ABITRAM: variants seen among roughly 807,000 people sequenced by gnomAD.
ABITRAM encodes the protein actin binding transcription modulator.
Under a neutral mutation model 22.9 loss-of-function variants are expected in ABITRAM, and 19 were observed. The observed-to-expected ratio is 0.83, with a 90% CI of 0.58 to 1.22. The LOEUF is 1.22. ABITRAM is among the 50% of genes most tolerant of loss of function. ABITRAM has a pLI of 0.00. For synonymous variants in ABITRAM, 70 were observed against 73.9 expected (o/e 0.95, Z 0.27); for missense variants, 215 against 220.2 (o/e 0.98, Z 0.15).
intron 3 of ABITRAM, among the ~76,000 whole-genome samples, chr9:108,946,433 C>T (rs1363497890): frequency 2.0e-5 from 3 of 152,148 alleles, no homozygotes; most frequent in Non-Finnish European, 2.9e-5. Context: ...CCCTGCACCT[C>T]GGGGCTTTGC....
chr9:108,947,546 T>C (rs1830443833), intron 3 of ABITRAM, among the ~76,000 whole-genome samples: 1 of 152,176 alleles, frequency 6.6e-6, no homozygotes, highest in Non-Finnish European at 1.5e-5. Flanking sequence ...CAGGCTAACA[T>C]GGGGATCAGG....
chr9:108,935,448 G>A (rs1018828741), intron 1 of ABITRAM, among the ~76,000 whole-genome samples, 190 bp from the exon 2 acceptor site: 2 of 152,142 alleles, frequency 1.3e-5, no homozygotes, highest in African/African-American at 4.8e-5. Context: ...TTCTATCTGG[G>A]CCAGATCTCT....
At position 108,939,746 on chromosome 9, in the gene ABITRAM, G is replaced by A. The variant is rs986914558; in HGVS notation, c.*60G>A. On this transcript the variant is annotated 3_prime_UTR_variant, in exon 6 of 6. Transcript: ENST00000322940. ...TTGTTACCTGGCCTAAACCATCAGG[G>A]TACTAAAGGAGAAGAACCAGTATAT... The A allele has an allele frequency of 6.3e-7, 1 of 1,588,420 alleles. No individual in the cohort carries two copies. Among genetic ancestry groups the A allele is most frequent in the Non-Finnish European group, 8.6e-7 (1 of 1,166,486 alleles).
intron 3 of ABITRAM, among the ~76,000 whole-genome samples, chr9:108,937,194 G>A (rs765302982): frequency 3.3e-5 from 5 of 151,976 alleles, no homozygotes; most frequent in African/African-American, 9.7e-5. Flanking sequence ...ACATGAATAC[G>A]AGAAAATATA....
chr9:108,943,902 C>T (rs1412678042), downstream of ABITRAM: 1 of 1,595,812 alleles, frequency 6.3e-7, no homozygotes, highest in Non-Finnish European at 8.6e-7. Context: ...TGATATTATA[C>T]CCCCAAAGTA....
At chr9:108,949,838 C>T (rs139924035) in intron 3 of ABITRAM, among the ~76,000 whole-genome samples, 106 of 151,422 alleles carry the variant, frequency 7.0e-4, no homozygotes, top group Non-Finnish European at 1.1e-3. Flanking sequence ...AGCAAGACTC[C>T]GTCTCAAAAA....
intron 3 of ABITRAM, among the ~76,000 whole-genome samples, chr9:108,937,520 T>G (rs1830204841): frequency 6.6e-6 from 1 of 152,228 alleles, no homozygotes; most frequent in Non-Finnish European, 1.5e-5. Context: ...CCCCCCTTTG[T>G]AGGCCTGAAG....
intron 3 of ABITRAM, among the ~76,000 whole-genome samples, chr9:108,936,903 CTATA>C (rs1830195878): frequency 6.6e-6 from 1 of 152,040 alleles, no homozygotes; most frequent in Admixed American, 6.5e-5. Flanking sequence ...TGGCTCACGC[CTATA>C]ATCTCAGCAT....
intron 1 of ABITRAM, 51 bp from the exon 2 acceptor site, chr9:108,935,587 G>T: frequency 7.1e-7 from 1 of 1,412,214 alleles, no homozygotes; most frequent in Non-Finnish European, 1.0e-6. Flanking sequence ...GTACCACATA[G>T]TGGTAGTAAA....
At chr9:108,950,508 G>A in exon 4 of ABITRAM, 4 of 1,548,830 alleles carry the variant, frequency 2.6e-6, no homozygotes, top group Non-Finnish European at 3.5e-6. Context: ...TTTTTCCAGA[G>A]AATTATCTAT....
At position 108,939,551 on chromosome 9, in the gene ABITRAM, A is replaced by G. The variant is rs779721960; in HGVS notation, c.411A>G (p.Pro137=). ...LHKPSILQEK[P]STEGYIAVVL... is the part of the protein sequence containing the mutation. ...ACTAAATGTTCTTTCCTTTCCAGCC[A>G]TCTACTGAAGGCTACATTGCAGTTG... The change falls in exon 6 of 6, where the codon CCA becomes CCG. Residue 137 remains proline (P), a splice_region_variant and synonymous_variant. Coordinates refer to ENST00000322940, the MANE Select transcript of ABITRAM (RefSeq NM_017832.4). The G allele has an allele frequency of 1.2e-6, 2 of 1,613,586 alleles. No homozygotes were observed. Among genetic ancestry groups the G allele is most frequent in the East Asian group, 4.5e-5 (2 of 44,874 alleles).
chr9:108,947,744 A>G (rs369969409), intron 3 of ABITRAM, among the ~76,000 whole-genome samples: 1 of 152,192 alleles, frequency 6.6e-6, no homozygotes, highest in Non-Finnish European at 1.5e-5. Flanking sequence ...GGAAACTAAG[A>G]TGTACTTAAT....
chr9:108,946,087 T>A lies in ABITRAM; in HGVS notation c.262-4420T>A, dbSNP rs187915224. On this transcript the variant is annotated intron_variant, in intron 3 of 3. Coordinates refer to the ABITRAM transcript ENST00000374624. ...AGGCTGAGGCGGGCGAATCACAAGGTCAAGAGATCGAGACCATCCTGGCCA... is the reference window on the plus strand; with the variant it reads ...AGGCTGAGGCGGGCGAATCACAAGGACAAGAGATCGAGACCATCCTGGCCA... 4.8e-3 allele frequency among the ~76,000 whole-genome samples: 725 copies of A among 151,888 alleles called. 6 individuals carry two copies. The highest frequency in any genetic ancestry group is 0.017 in the African/African-American group (709 of 41,430).
At position 108,939,511 on chromosome 9, in the gene ABITRAM, T is replaced by C. The variant is rs565007338; in HGVS notation, c.409-38T>C. On this transcript the variant is annotated intron_variant, in intron 5 of 5. Transcript: ENST00000322940. Reference sequence around the variant, plus strand: ...CACATACCTTTTATTGGTTTTTTTTTCATCGTTTGACAGTACTAAATGTTC... The same window carrying C: ...CACATACCTTTTATTGGTTTTTTTTCCATCGTTTGACAGTACTAAATGTTC... 1.5e-4 allele frequency: 236 copies of C among 1,604,920 alleles called. 1 individual carries two copies. The highest frequency in any genetic ancestry group is 7.1e-4 in the East Asian group (32 of 44,844).
At chr9:108,945,643 G>T (rs1397652892), downstream of ABITRAM, among the ~76,000 whole-genome samples, 5,998 of 120,470 alleles carry the variant, frequency 0.05, 407 homozygotes, top group African/African-American at 0.17. Flanking sequence ...TTTTTTTTTT[G>T]TTTTGTTTTT....
downstream of ABITRAM, among the ~76,000 whole-genome samples, chr9:108,941,162 T>A (rs1206601997): frequency 6.6e-6 from 1 of 152,210 alleles, no homozygotes; most frequent in Non-Finnish European, 1.5e-5. Context: ...TTACTTATTT[T>A]GTAAATAAAA....
In ABITRAM at chr9:108,950,577, A is replaced by G. The variant is rs1346305258; in HGVS notation, c.332A>G (p.His111Arg). The change falls in exon 4 of 4, where the codon CAT becomes CGT. Residue 111 changes from histidine (H) to arginine (R), a missense_variant. Physicochemically the swap from His to Arg is conservative, Grantham distance 29. Coordinates refer to the ABITRAM transcript ENST00000374624. ...ATGATGCCTCTAAGCTTGGGACTGC[A>G]TCTTCCCCACTCTTAATCCTCCTTC... 6.5e-6 allele frequency: 10 copies of G among 1,550,230 alleles called. No homozygotes were observed. In the East Asian group the frequency reaches 2.2e-4, roughly 34 times the overall value.
Position 108,940,928 on chromosome 9 carries a change from T to C in ABITRAM, c.*1242T>C, listed in dbSNP as rs1428153649. 6.6e-6 allele frequency: 1 copy of C among 152,216 alleles called. No homozygotes were observed. The highest frequency in any genetic ancestry group is 1.5e-5 in the Non-Finnish European group (1 of 68,026). 9.4% of individuals were successfully genotyped at this position (152,216 alleles called of 1,614,324 possible). ...AACATACATGTCAATATCACTGTTT[T>C]TAAATAAAATATACTTTTATACAGA... is the stretch of plus-strand genomic sequence containing the variant. On this transcript the variant is annotated 3_prime_UTR_variant, in exon 6 of 6. Transcript: ENST00000322940.
chr9:108,938,268 C>T (rs1020575522), intron 3 of ABITRAM, among the ~76,000 whole-genome samples: 4 of 152,090 alleles, frequency 2.6e-5, no homozygotes, highest in African/African-American at 4.8e-5. Context: ...AACCCACGTG[C>T]GGAGGAGTGA....
Sources: allele counts gnomAD v4.1 joint callset (sites outside exome capture counted in the v4.1 genomes callset), GRCh38; gene constraint gnomAD v4.1.1; transcripts MANE v1.5; gene names NCBI Gene and HGNC (gene_info 2026-07-23, HGNC 2026-07-21).